Variants in HCN1 observed in about 807,000 individuals in gnomAD.
The protein encoded by HCN1 is hyperpolarization activated cyclic nucleotide gated potassium channel 1, also known as potassium/sodium hyperpolarization-activated cyclic nucleotide-gated channel 1.
Under a neutral mutation model 78.9 loss-of-function variants are expected in HCN1, and 13 were observed. The observed-to-expected ratio is 0.16, with a 90% confidence interval of 0.11 to 0.26. The LOEUF is 0.26. HCN1 is among the 10% of genes least tolerant of loss of function. HCN1 has a pLI of 1.00. For missense variants in HCN1, 810 were observed against 1,154.3 expected (o/e 0.70, Z 4.32); for synonymous variants, 552 against 455.5 (o/e 1.21, Z -2.70).
chr5:45,657,544 TC>T (rs1365931594), intron 1 of HCN1, among the ~76,000 whole-genome samples: 2 of 152,204 alleles, frequency 1.3e-5, no homozygotes, highest in Non-Finnish European at 2.9e-5. Context: ...TTTACTAAGT[TC>T]TGCAAAAAGG....
rs540033077 is a variant in HCN1, at chr5:45,367,536, T to C, written c.1231-14290A>G. Among the ~76,000 whole-genome samples, 94 of 151,958 alleles carry C rather than the reference T, an allele frequency of 6.2e-4. No individual in the cohort carries two copies. The South Asian group carries it at 0.019, about 31-fold the overall frequency. On this transcript the variant is annotated intron_variant, in intron 4 of 7. Transcript: ENST00000303230. ...TAACCATGATGCATGATGTTACCAG[T>C]GGTAAGAGGACAATTTCAGAAAATC...
chr5:45,267,205 TCAG>T lies in HCN1; in HGVS notation c.1664_1666del (p.Ala555del). 1 of 1,614,066 alleles carries T rather than the reference TCAG, an allele frequency of 6.2e-7. No individual in the cohort carries two copies. Among genetic ancestry groups the T allele is most frequent in the Non-Finnish European group, 8.5e-7 (1 of 1,179,992 alleles). On this transcript the variant is annotated inframe_deletion, in exon 7 of 8. Transcript: ENST00000303230. ...AAGTGAGTAAAGACGACAATATGTA[TCAG>T]CTCGAACACTGGCAGTACGACGTCC...
At chr5:45,427,589 T>A (rs1285222625) in intron 3 of HCN1, among the ~76,000 whole-genome samples, 1 of 152,112 alleles carries the variant, frequency 6.6e-6, no homozygotes, top group Admixed American at 6.5e-5. Context: ...GTGACCAAAA[T>A]CTAGATTTTT....
At chr5:45,668,936 AC>A (rs913638500) in intron 1 of HCN1, among the ~76,000 whole-genome samples, 2 of 151,736 alleles carry the variant, frequency 1.3e-5, no homozygotes, top group African/African-American at 4.8e-5. Context: ...TGGGGGAAAA[AC>A]CACTTAAGAA....
chr5:45,542,817 T>C (rs1338689868), intron 2 of HCN1, among the ~76,000 whole-genome samples: 1 of 152,136 alleles, frequency 6.6e-6, no homozygotes, highest in Non-Finnish European at 1.5e-5. Context: ...ATATTTAACA[T>C]CACTTAAAAG....
At chr5:45,456,243 T>C (rs887369439) in intron 3 of HCN1, among the ~76,000 whole-genome samples, 2 of 152,014 alleles carry the variant, frequency 1.3e-5, no homozygotes, top group Non-Finnish European at 2.9e-5. Flanking sequence ...TGATTACTTA[T>C]CTTTGAAAAA....
In HCN1 at chr5:45,526,737, A is replaced by G. The variant is rs540695749; in HGVS notation, c.850-64730T>C. Among the ~76,000 whole-genome samples the G allele has an allele frequency of 2.0e-5, 3 of 151,888 alleles. No homozygotes were observed. The East Asian group carries it at 5.8e-4, about 30-fold the overall frequency. On this transcript the variant is annotated intron_variant, in intron 2 of 7. Transcript: ENST00000303230. ...GCCTAGAGCTGGGGATTTCATGTCA[A>G]CCTCTCCTGTACTGCCAATCCACTT...
chr5:45,545,317 G>A (rs1028223215), intron 2 of HCN1, among the ~76,000 whole-genome samples: 1 of 152,058 alleles, frequency 6.6e-6, no homozygotes, highest in African/African-American at 2.4e-5. Flanking sequence ...TTATAAATTT[G>A]TTTAAGTTCT....
At chr5:45,429,112 G>T (rs561025335) in intron 3 of HCN1, among the ~76,000 whole-genome samples, 1 of 152,174 alleles carries the variant, frequency 6.6e-6, no homozygotes, top group African/African-American at 2.4e-5. Context: ...ATAGGTGATG[G>T]AACTGATGCT....
intron 5 of HCN1, among the ~76,000 whole-genome samples, chr5:45,329,393 T>C (rs1035038226): frequency 1.3e-5 from 2 of 151,456 alleles, no homozygotes; most frequent in African/African-American, 4.8e-5. Flanking sequence ...GTCTTAGAGA[T>C]AAACAATGTC....
chr5:45,629,629 C>A (rs1365378273), intron 2 of HCN1, among the ~76,000 whole-genome samples: 1 of 152,086 alleles, frequency 6.6e-6, no homozygotes, highest in African/African-American at 2.4e-5. Flanking sequence ...GCAAAATGTA[C>A]ATATTGTGAG....
At chr5:45,546,132 A>G (rs940628643) in intron 2 of HCN1, among the ~76,000 whole-genome samples, 5 of 151,962 alleles carry the variant, frequency 3.3e-5, no homozygotes, top group African/African-American at 1.2e-4. Context: ...GATTTCCAGT[A>G]TCTTCTTAAA....
intron 2 of HCN1, among the ~76,000 whole-genome samples, chr5:45,577,119 T>C (rs1036278734): frequency 6.6e-6 from 1 of 152,114 alleles, no homozygotes; most frequent in Middle Eastern, 3.2e-3. Context: ...AGGCATTTAA[T>C]CAATAAATAT....
At position 45,458,072 on chromosome 5, in the gene HCN1, T is replaced by C. The variant is rs183974137; in HGVS notation, c.1011+3774A>G. The stretch of plus-strand genomic sequence containing the variant: ...CTGCAAAGGAATTCACTGAGAGAGA[T>C]TGAACCTACATTTATGGAATGAAAT... On this transcript the variant is annotated intron_variant, in intron 3 of 7. Transcript: ENST00000303230. Among the ~76,000 whole-genome samples, 52 of 152,158 alleles carry C rather than the reference T, an allele frequency of 3.4e-4. 1 individual carries two copies. Among genetic ancestry groups the C allele is most frequent in the Admixed American group, 2.0e-3 (30 of 15,250 alleles).
chr5:45,682,832 T>G (rs950717349), intron 1 of HCN1, among the ~76,000 whole-genome samples: 2 of 152,142 alleles, frequency 1.3e-5, no homozygotes, highest in African/African-American at 4.8e-5. Flanking sequence ...GAAATTTTAA[T>G]GAGATTATAT....
Position 45,616,291 on chromosome 5 carries a change from G to A in HCN1, c.849+28894C>T, listed in dbSNP as rs549331207. On this transcript the variant is annotated intron_variant, in intron 2 of 7. Transcript: ENST00000303230. ...TGAGATCACCCAACTTTCAGGAAAC[G>A]AATAATGGAAAAGTAGAAAAACTTA... 1.4e-4 allele frequency among the ~76,000 whole-genome samples: 21 copies of A among 151,960 alleles called. 1 individual carries two copies. The highest frequency in any genetic ancestry group is 4.3e-4 in the African/African-American group (18 of 41,530).
At chr5:45,310,089 T>A (rs1386519653) in intron 5 of HCN1, among the ~76,000 whole-genome samples, 1 of 151,998 alleles carries the variant, frequency 6.6e-6, no homozygotes, top group Admixed American at 6.6e-5. Context: ...CCAATACCAT[T>A]CAGGACATAA....
intron 5 of HCN1, among the ~76,000 whole-genome samples, chr5:45,320,888 C>A (rs1444009023): frequency 6.6e-6 from 1 of 151,782 alleles, no homozygotes; most frequent in Non-Finnish European, 1.5e-5. Flanking sequence ...TTTTAAAACA[C>A]CGTCTGTATT....
At chr5:45,527,000 T>G (rs1044302769) in intron 2 of HCN1, among the ~76,000 whole-genome samples, 1 of 138,586 alleles carries the variant, frequency 7.2e-6, no homozygotes, top group African/African-American at 2.7e-5. Context: ...CAGAAATCTT[T>G]CCTTTCCTTC....
Sources: allele counts gnomAD v4.1 joint callset (sites outside exome capture counted in the v4.1 genomes callset), GRCh38; gene constraint gnomAD v4.1.1; transcripts MANE v1.5; gene names NCBI Gene and HGNC (gene_info 2026-07-23, HGNC 2026-07-21).